Variants in STX2 observed in about 807,000 individuals in gnomAD.
STX2 encodes the protein syntaxin 2, also known as syntaxin-2.
Under a neutral mutation model 40.6 loss-of-function variants are expected in STX2, and 27 were observed. The observed-to-expected ratio is 0.66, with a 90% CI of 0.49 to 0.92. STX2 has a LOEUF of 0.92. Among genes scored for constraint, STX2 ranks in the 40% least tolerant of loss-of-function variants. STX2 has a pLI of 0.00. For missense variants in STX2, 328 were observed against 366.1 expected (o/e 0.90, Z 0.85); for synonymous variants, 123 against 119.1 (o/e 1.03, Z -0.22).
At chr12:130,799,954 T>TAC (rs1951163937) in intron 8 of STX2, among the ~76,000 whole-genome samples, 1 of 152,190 alleles carries the variant, frequency 6.6e-6, no homozygotes, top group Non-Finnish European at 1.5e-5. Flanking sequence ...TTCCTATCCT[T>TAC]ACACAATCCA....
chr12:130,829,277 C>T (rs574768763), intron 1 of STX2, among the ~76,000 whole-genome samples: 4 of 152,342 alleles, frequency 2.6e-5, no homozygotes, highest in Admixed American at 6.5e-5. Context: ...GAGTAAGAGC[C>T]GTCCTTTACT....
chr12:130,837,319 A>G (rs1952783747), intron 1 of STX2, among the ~76,000 whole-genome samples: 1 of 151,988 alleles, frequency 6.6e-6, no homozygotes, highest in Non-Finnish European at 1.5e-5. Flanking sequence ...TCTGAAACAG[A>G]GTCTCTTTCT....
intron 6 of STX2, among the ~76,000 whole-genome samples, chr12:130,806,220 G>A (rs576722197): frequency 5.9e-5 from 9 of 152,340 alleles, no homozygotes; most frequent in South Asian, 4.1e-4. Flanking sequence ...GTTGGGAGCC[G>A]GGATGGGCCT....
At chr12:130,818,170 C>CAAAAAAAAAAAAAA (rs756794046) in intron 3 of STX2, among the ~76,000 whole-genome samples, 1 of 49,860 alleles carries the variant, frequency 2.0e-5, no homozygotes, top group African/African-American at 1.6e-4. Flanking sequence ...GCTGTTTCTA[C>CAAAAAAAAAAAAAA]AAAAAAAAAA....
rs527828958 is a variant in STX2 at position 130,826,513 on chromosome 12, C to G, written c.105+680G>C. Among the ~76,000 whole-genome samples, 5 of 152,332 alleles carry G rather than the reference C, an allele frequency of 3.3e-5. No homozygotes were observed. In the South Asian group the frequency reaches 1.0e-3, roughly 32 times the overall value. ...CCAACCCACGCGGAGGCCACGTGCACAGCTCCACCATCCACACCCAGTTCC... is the reference window on the plus strand; with the variant it reads ...CCAACCCACGCGGAGGCCACGTGCAGAGCTCCACCATCCACACCCAGTTCC... On this transcript the variant is annotated intron_variant, in intron 2 of 10. Transcript: ENST00000392373.
chr12:130,825,508 A>G (rs1236826874), intron 2 of STX2, among the ~76,000 whole-genome samples: 1 of 152,242 alleles, frequency 6.6e-6, no homozygotes, highest in Non-Finnish European at 1.5e-5. Context: ...GACAATTTAA[A>G]AAGTCTCATT....
At chr12:130,814,071 C>T (rs1219439904) in intron 3 of STX2, among the ~76,000 whole-genome samples, 7 of 152,210 alleles carry the variant, frequency 4.6e-5, no homozygotes. Flanking sequence ...TGTGCTAAGT[C>T]TTCTTTCCAT....
intron 6 of STX2, among the ~76,000 whole-genome samples, chr12:130,803,279 T>C (rs557114905): frequency 1.1e-4 from 17 of 152,230 alleles, no homozygotes; most frequent in Admixed American, 7.2e-4. Flanking sequence ...GGTGGAAGGA[T>C]TGCTTGAGGC....
intron 3 of STX2, among the ~76,000 whole-genome samples, chr12:130,814,711 G>C (rs138379458): frequency 1.6e-5 from 2 of 128,874 alleles, no homozygotes; most frequent in Non-Finnish European, 3.1e-5. Context: ...ATCTCGACTC[G>C]TTGCAACTTC....
chr12:130,812,828 A>G lies in STX2; in HGVS notation c.280+129T>C, dbSNP rs535796692. ...TAATTAGTACTCTGAATTACATACA[A>G]ATAATTTATTTTAAAGCAGTCACTA... On this transcript the variant is annotated intron_variant, in intron 4 of 10. Coordinates refer to ENST00000392373, the MANE Select transcript of STX2 (RefSeq NM_194356.4). The G allele has an allele frequency of 6.1e-5, 41 of 672,716 alleles. No individual in the cohort carries two copies. In the African/African-American group the frequency reaches 7.8e-4, roughly 13 times the overall value. 41.7% of individuals were successfully genotyped at this position (672,716 alleles called of 1,614,324 possible).
chr12:130,812,902 TAACA>T, intron 4 of STX2, 51 bp downstream of exon 4: 2 of 1,230,762 alleles, frequency 1.6e-6, no homozygotes, highest in East Asian at 4.9e-5. Context: ...AAGAAAAAAA[TAACA>T]AATACCCATA....
intron 10 of STX2, among the ~76,000 whole-genome samples, chr12:130,795,614 T>C (rs948233533): frequency 1.9e-4 from 29 of 152,222 alleles, no homozygotes; most frequent in Admixed American, 5.2e-4. Context: ...CTGGTGCACG[T>C]CTGTAGTCCC....
chr12:130,835,061 G>A (rs1952711154), intron 1 of STX2, among the ~76,000 whole-genome samples: 1 of 152,224 alleles, frequency 6.6e-6, no homozygotes, highest in Non-Finnish European at 1.5e-5. Context: ...GCCTAAGGTG[G>A]GCAGATTGCT....
intron 1 of STX2, among the ~76,000 whole-genome samples, chr12:130,834,507 G>A (rs1209785668): frequency 3.3e-5 from 5 of 152,132 alleles, no homozygotes; most frequent in Non-Finnish European, 7.4e-5. Flanking sequence ...ACCACAAGGC[G>A]ATAGATCTGG....
intron 6 of STX2, among the ~76,000 whole-genome samples, chr12:130,804,621 G>A (rs546394411): frequency 2.6e-5 from 4 of 152,192 alleles, no homozygotes; most frequent in Middle Eastern, 3.4e-3. Flanking sequence ...CTGTTCGTAC[G>A]TCCCTAGCCA....
chr12:130,824,074 G>C (rs533939720), intron 2 of STX2, among the ~76,000 whole-genome samples: 18 of 152,330 alleles, frequency 1.2e-4, no homozygotes, highest in African/African-American at 4.3e-4. Context: ...CCCCGGACCA[G>C]ATTTGAAAAG....
chr12:130,816,901 C>G (rs142932459), intron 3 of STX2, among the ~76,000 whole-genome samples: 1 of 152,284 alleles, frequency 6.6e-6, no homozygotes, highest in African/African-American at 2.4e-5. Flanking sequence ...AGGTGGGAAG[C>G]TGGCCCTCGC....
chr12:130,795,940 C>T (rs748999198), intron 10 of STX2, 55 bp downstream of exon 10: 77 of 1,550,092 alleles, frequency 5.0e-5, no homozygotes, highest in Non-Finnish European at 6.1e-5. Context: ...TAAGCAAATA[C>T]TATTATTGGT....
At position 130,798,517 on chromosome 12, in the gene STX2, A is replaced by G; in HGVS notation, c.786+8T>C. On this transcript the variant is annotated splice_region_variant and intron_variant, in intron 9 of 10. Coordinates refer to ENST00000392373, the MANE Select transcript of STX2 (RefSeq NM_194356.4). ...AAACGCAGCTTAATTCTTCGAAGCCAAACTCACCCTTCTTGCCTTGCTCTG... is the reference window on the plus strand; with the variant it reads ...AAACGCAGCTTAATTCTTCGAAGCCGAACTCACCCTTCTTGCCTTGCTCTG... The G allele has an allele frequency of 6.3e-7, 1 of 1,584,854 alleles. No homozygotes were observed. The highest frequency in any genetic ancestry group is 8.5e-7 in the Non-Finnish European group (1 of 1,170,604).
Sources: gnomAD v4.1 joint callset for allele counts (sites outside exome capture counted in the v4.1 genomes callset) on GRCh38, gnomAD v4.1.1 for gene constraint, MANE v1.5 for transcripts, NCBI Gene and HGNC (gene_info 2026-07-23, HGNC 2026-07-21) for gene names.